Variants in USP9X observed in about 807,000 individuals in gnomAD.
USP9X encodes the protein ubiquitin carboxyl-terminal hydrolase 9X.
USP9X carries 7 observed loss-of-function variants against 190.3 expected under a neutral mutation model. The ratio of observed to expected loss-of-function variants is 0.04; its 90% CI spans 0.02 to 0.07. USP9X has a LOEUF of 0.07. USP9X is among the 10% of genes least tolerant of loss of function. USP9X has a pLI of 1.00. For missense variants in USP9X, 1,010 were observed against 1,916.9 expected, an observed-to-expected ratio of 0.53 and a Z score of 8.83; for synonymous variants, 645 against 659.5, an observed-to-expected ratio of 0.98 and a Z score of 0.34.
At chrX:41,144,237 T>TG (rs1555921416) in intron 10 of USP9X, among the ~76,000 whole-genome samples, 5 of 105,845 alleles carry the variant, frequency 4.7e-5, no homozygotes, top group African/African-American at 1.4e-4. Flanking sequence ...TTTTTTTTTT[T>TG]GAGATGGAGT....
At chrX:41,126,793 A>T (rs2062258438) in intron 2 of USP9X, among the ~76,000 whole-genome samples, 1 of 111,918 alleles carries the variant, frequency 8.9e-6, no homozygotes, top group Admixed American at 9.5e-5. Context: ...AGAAGCAGCA[A>T]CCAAAGTGTT....
chrX:41,129,611 C>T (rs1318683271), intron 3 of USP9X, among the ~76,000 whole-genome samples: 4 of 111,648 alleles, frequency 3.6e-5, no homozygotes, highest in Non-Finnish European at 1.9e-5. Flanking sequence ...AAACAACCAC[C>T]CTATCCCACC....
chrX:41,136,834 G>T lies in USP9X; in HGVS notation c.466G>T (p.Val156Leu). ...TATTATTAACAATACTCATCGTCTG[G>T]TGGAGCTATGTGTGGCCAAGTTGTC... Reference protein sequence around the residue: ...RCIINNTHRLVELCVAKLSQD... With the variant: ...RCIINNTHRLLELCVAKLSQD... The change falls in exon 6 of 45, where the codon GTG becomes TTG. Residue 156 changes from valine (V) to leucine (L), a missense_variant. By Grantham distance (32) the Val-to-Leu change is conservative. Coordinates refer to ENST00000378308, the MANE Select transcript of USP9X (RefSeq NM_001039591.3). 1 of 1,210,930 alleles carries T rather than the reference G, an allele frequency of 8.3e-7. No homozygotes were observed. The highest frequency in any genetic ancestry group is 1.1e-6 in the Non-Finnish European group (1 of 894,912).
chrX:41,168,649 C>T (rs761985422), intron 18 of USP9X, among the ~76,000 whole-genome samples: 1 of 111,977 alleles, frequency 8.9e-6, no homozygotes, highest in Non-Finnish European at 1.9e-5. Flanking sequence ...CAGGCTACCA[C>T]ACCTGGCTAA....
At chrX:41,197,331 T>TCCCCCCCCCCCCCCCCCCC (rs747033378) in intron 28 of USP9X, 33 bp from the exon 29 acceptor site, 5 of 486,890 alleles carry the variant, frequency 1.0e-5, no homozygotes, top group African/African-American at 2.9e-5. Flanking sequence ...TTTGATTTCT[T>TCCCCCCCCCCCCCCCCCCC]CCCCCCCCCA....
At chrX:41,169,128 T>C (rs2062703258) in intron 18 of USP9X, among the ~76,000 whole-genome samples, 1 of 110,659 alleles carries the variant, frequency 9.0e-6, no homozygotes, top group African/African-American at 3.3e-5. Context: ...AGGTAAACTC[T>C]ACCTTCTTTT....
At chrX:41,202,181 G>C (rs188035446) in intron 31 of USP9X, among the ~76,000 whole-genome samples, 4 of 111,806 alleles carry the variant, frequency 3.6e-5, no homozygotes, top group Non-Finnish European at 7.5e-5. Flanking sequence ...GTTATTCTTT[G>C]AATTTCCCTT....
intron 1 of USP9X, among the ~76,000 whole-genome samples, chrX:41,092,314 T>C (rs1316122983): frequency 8.9e-6 from 1 of 111,834 alleles, no homozygotes; most frequent in Non-Finnish European, 1.9e-5. Context: ...GTTGAGGCTG[T>C]TGGTTACATC....
At chrX:41,101,468 T>A (rs2062033516) in intron 1 of USP9X, among the ~76,000 whole-genome samples, 1 of 109,559 alleles carries the variant, frequency 9.1e-6, no homozygotes, top group Non-Finnish European at 1.9e-5. Flanking sequence ...ATGCCCGTAG[T>A]CCCAGGTACT....
At chrX:41,173,120 C>T (rs2062741450) in intron 21 of USP9X, among the ~76,000 whole-genome samples, 1 of 111,395 alleles carries the variant, frequency 9.0e-6, no homozygotes, top group Non-Finnish European at 1.9e-5. Context: ...TTTACCTTTT[C>T]TCTCTTCCCT....
rs199539197 is a variant in USP9X, at chrX:41,134,780, A to G, written c.378A>G (p.Ile126Met). ...CQRFFRDGLT[I>M]SFTKILTDEA... is the part of the protein sequence containing the mutation. Reference sequence around the variant, plus strand: ...GATTTTTCCGTGATGGGCTAACAATATCATTCACTAAAATTCTTACAGATG... The same window carrying G: ...GATTTTTCCGTGATGGGCTAACAATGTCATTCACTAAAATTCTTACAGATG... The change falls in exon 5 of 45, where the codon ATA becomes ATG. Residue 126 changes from isoleucine (I) to methionine (M), a missense_variant. Transcript: ENST00000378308. The G allele has an allele frequency of 2.6e-5, 32 of 1,209,820 alleles. No individual in the cohort carries two copies. The East Asian group carries it at 7.1e-4, about 27-fold the overall frequency.
At position 41,233,295 on chromosome X, in the gene USP9X, TAAAATATAAAAC is replaced by T. The variant is rs1318529395; in HGVS notation, c.*774_*785del. 8.9e-6 allele frequency: 1 copy of T among 112,161 alleles called. No individual in the cohort carries two copies. The highest frequency in any genetic ancestry group is 2.8e-4 in the East Asian group (1 of 3,618). 9.2% of individuals were successfully genotyped at this position (112,161 alleles called of 1,213,427 possible). A position where few individuals can be genotyped will look rare whatever the true frequency, so the allele number is the denominator to read the frequency against. On this transcript the variant is annotated 3_prime_UTR_variant, in exon 45 of 45. Coordinates refer to ENST00000378308, the MANE Select transcript of USP9X (RefSeq NM_001039591.3). ...CTTTTACTTCTTACACCTAGAATAT[TAAAATATAAAAC>T]AAGGGGAGAAATGTGACAGTCTATT...
At chrX:41,132,581 G>T (rs2062331992) in intron 4 of USP9X, among the ~76,000 whole-genome samples, 1 of 110,605 alleles carries the variant, frequency 9.0e-6, no homozygotes, top group Non-Finnish European at 1.9e-5. Flanking sequence ...TGGGATTATA[G>T]GCATGAGCCA....
intron 1 of USP9X, among the ~76,000 whole-genome samples, chrX:41,096,912 T>C (rs1430319924): frequency 8.9e-6 from 1 of 112,518 alleles, no homozygotes; most frequent in Non-Finnish European, 1.9e-5. Context: ...GAAAAATCTG[T>C]AGTCAAGAGA....
At chrX:41,217,419 C>A in intron 36 of USP9X, 76 bp downstream of exon 36, 1 of 1,046,056 alleles carries the variant, frequency 9.6e-7, no homozygotes, top group South Asian at 2.9e-5. Context: ...TTATGTTTTT[C>A]TAAACCAAGA....
intron 21 of USP9X, among the ~76,000 whole-genome samples, chrX:41,174,330 G>A (rs2062754490): frequency 9.0e-6 from 1 of 111,565 alleles, no homozygotes; most frequent in Non-Finnish European, 1.9e-5. Context: ...TTGGGAGGGT[G>A]GATCCTGAAA....
chrX:41,115,236 GAAAA>G (rs2062139307), intron 1 of USP9X, among the ~76,000 whole-genome samples: 1 of 63,595 alleles, frequency 1.6e-5, no homozygotes, highest in African/African-American at 4.9e-5. Flanking sequence ...AAAAAAAAAA[GAAAA>G]AGAAAAAAAA....
At chrX:41,229,122 A>G (rs999718130) in intron 41 of USP9X, 131 bp from the exon 42 acceptor site, 13 of 445,479 alleles carry the variant, frequency 2.9e-5, no homozygotes, top group African/African-American at 2.0e-4. Flanking sequence ...TAAAGGTTTA[A>G]TAATAGTACC....
intron 1 of USP9X, among the ~76,000 whole-genome samples, chrX:41,110,645 G>GA (rs2062102638): frequency 8.9e-6 from 1 of 111,761 alleles, no homozygotes; most frequent in African/African-American, 3.3e-5. Flanking sequence ...TAGTGCCTGA[G>GA]ACAAATACTT....
Sources: allele counts gnomAD v4.1 joint callset (sites outside exome capture counted in the v4.1 genomes callset), GRCh38; gene constraint gnomAD v4.1.1; transcripts MANE v1.5; gene names NCBI Gene and HGNC (gene_info 2026-07-23, HGNC 2026-07-21).